CHN2: variants seen among roughly 807,000 people sequenced by gnomAD.
CHN2 encodes chimerin 2.
CHN2 carries 35 observed loss-of-function variants against 56.3 expected under a neutral mutation model. That is an observed-to-expected ratio of 0.62 (90% confidence interval 0.47 to 0.82). The LOEUF (loss-of-function observed/expected upper bound fraction) is 0.82, where lower values mean the gene tolerates loss of function less well. CHN2 is among the 40% of genes least tolerant of loss of function. The pLI is 0.00. For synonymous variants in CHN2, 210 were observed against 212.8 expected (o/e 0.99, Z 0.12); for missense variants, 491 against 580.5 (o/e 0.85, Z 1.58).
At chr7:29,317,031 T>G (rs1795001689) in intron 1 of CHN2, among the ~76,000 whole-genome samples, 1 of 152,228 alleles carries the variant, frequency 6.6e-6, no homozygotes, top group Non-Finnish European at 1.5e-5. Flanking sequence ...ATAATTTGCT[T>G]AAGACATTTT....
intron 1 of CHN2, among the ~76,000 whole-genome samples, chr7:29,259,037 A>AT (rs1470846579): frequency 6.6e-6 from 1 of 152,094 alleles, no homozygotes; most frequent in African/African-American, 2.4e-5. Flanking sequence ...AAAAAAAAAA[A>AT]AAAGAATGGG....
intron 1 of CHN2, among the ~76,000 whole-genome samples, chr7:29,346,455 A>G (rs1191884657): frequency 2.6e-5 from 4 of 152,120 alleles, no homozygotes; most frequent in Non-Finnish European, 5.9e-5. Flanking sequence ...TTTTCACCCA[A>G]CTTCCCTGGA....
At chr7:29,221,781 G>T (rs1785816098) in intron 1 of CHN2, among the ~76,000 whole-genome samples, 1 of 152,184 alleles carries the variant, frequency 6.6e-6, no homozygotes, top group South Asian at 2.1e-4. Context: ...TCCCTGCAGA[G>T]GACATGATCT....
intron 12 of CHN2, among the ~76,000 whole-genome samples, chr7:29,509,844 C>CAA (rs34925686): frequency 0.15 from 20,634 of 133,868 alleles, 1,715 homozygotes; most frequent in Non-Finnish European, 0.19. Context: ...GACTCCATCT[C>CAA]AAAAAAAAAA....
In CHN2 at chr7:29,400,547, G is replaced by A. The variant is rs1238959756; in HGVS notation, c.295G>A (p.Gly99Arg). Reference protein sequence around the residue: ...PGCYTLALRFGNQTLNYRLFH... With the variant: ...PGCYTLALRFRNQTLNYRLFH... ...CCCTCATTCTCTCACGGGCAGGTTT[G>A]GAAACCAGACCTTAAACTACAGGCT... The change falls in exon 6 of 13, where the codon GGA becomes AGA. Residue 99 changes from glycine to arginine, a missense_variant. Coordinates refer to ENST00000222792, the MANE Select transcript of CHN2 (RefSeq NM_004067.4). The A allele has an allele frequency of 6.2e-7, 1 of 1,613,592 alleles. No individual in the cohort carries two copies. Among genetic ancestry groups the A allele is most frequent in the Non-Finnish European group, 8.5e-7 (1 of 1,179,796 alleles).
intron 1 of CHN2, among the ~76,000 whole-genome samples, chr7:29,275,768 G>T (rs1791147088): frequency 1.3e-5 from 2 of 152,182 alleles, no homozygotes; most frequent in Non-Finnish European, 2.9e-5. Flanking sequence ...CTGAGCCCAG[G>T]CAGTCTGGTT....
At chr7:29,344,937 A>C (rs891170742) in intron 1 of CHN2, among the ~76,000 whole-genome samples, 1 of 152,182 alleles carries the variant, frequency 6.6e-6, no homozygotes, top group African/African-American at 2.4e-5. Flanking sequence ...TGGGACCCTC[A>C]GAAGAATGCA....
intron 6 of CHN2, among the ~76,000 whole-genome samples, chr7:29,427,843 G>A (rs1805037999): frequency 6.6e-6 from 1 of 151,854 alleles, no homozygotes. Flanking sequence ...TTTTAGTAGA[G>A]ACAGGGTTTC....
chr7:29,323,567 C>T (rs1384721490), intron 1 of CHN2, among the ~76,000 whole-genome samples: 1 of 152,128 alleles, frequency 6.6e-6, no homozygotes, highest in Non-Finnish European at 1.5e-5. Context: ...ATGAGGCCGC[C>T]TCGCCACGTG....
intron 7 of CHN2, among the ~76,000 whole-genome samples, chr7:29,481,658 GTT>G (rs5883215): frequency 2.9e-4 from 38 of 130,824 alleles, no homozygotes; most frequent in African/African-American, 5.2e-4. Context: ...AATGCCTCCC[GTT>G]TTTTTTTTTT....
In CHN2 at chr7:29,219,073, T is replaced by C. The variant is rs75653597; in HGVS notation, c.49+24083T>C. ...TCGGAGACTGATGCAGTGCGTATTATAAATCCTGAATCACGAGGAATGGGT... is the reference window on the plus strand; with the variant it reads ...TCGGAGACTGATGCAGTGCGTATTACAAATCCTGAATCACGAGGAATGGGT... On this transcript the variant is annotated intron_variant, in intron 1 of 12. Coordinates refer to ENST00000222792, the MANE Select transcript of CHN2 (RefSeq NM_004067.4). Among the ~76,000 whole-genome samples, 1,417 of 152,298 alleles carry C rather than the reference T, an allele frequency of 9.3e-3. 5 individuals are homozygous for C. Among genetic ancestry groups the C allele is most frequent in the Non-Finnish European group, 0.015 (1,005 of 68,010 alleles).
Position 29,427,144 on chromosome 7 carries a change from T to G in CHN2, c.576+26316T>G, listed in dbSNP as rs972955495. 1.4e-4 allele frequency among the ~76,000 whole-genome samples: 22 copies of G among 152,190 alleles called. 1 individual carries two copies. The highest frequency in any genetic ancestry group is 4.8e-4 in the African/African-American group (20 of 41,522). ...ACCAGCCTGGCCAACATGGGGAAGC[T>G]GTTTCTCTACTAAAAATACAAATAT... On this transcript the variant is annotated intron_variant, in intron 6 of 12. Transcript: ENST00000222792.
intron 6 of CHN2, among the ~76,000 whole-genome samples, chr7:29,469,936 A>G (rs993099158): frequency 1.4e-4 from 22 of 152,186 alleles, no homozygotes; most frequent in African/African-American, 5.3e-4. Context: ...AAGCAAGGAA[A>G]GAAGGGAGGG....
intron 6 of CHN2, among the ~76,000 whole-genome samples, chr7:29,460,856 A>G (rs1187766760): frequency 2.0e-5 from 3 of 152,152 alleles, no homozygotes; most frequent in African/African-American, 4.8e-5. Flanking sequence ...CTTTGCTACC[A>G]ATTTGTTTGG....
intron 4 of CHN2, chr7:29,397,279 T>A (rs563899577): frequency 6.6e-6 from 1 of 152,352 alleles, no homozygotes; most frequent in South Asian, 2.1e-4. Context: ...AAAAATGTTA[T>A]CCTTCTGCAT....
chr7:29,207,801 TGATCACAACAGA>T (rs1784631030), intron 1 of CHN2, among the ~76,000 whole-genome samples: 1 of 152,196 alleles, frequency 6.6e-6, no homozygotes, highest in South Asian at 2.1e-4. Flanking sequence ...CGACACCCTT[TGATCACAACAGA>T]TCACGGTATT....
At chr7:29,473,472 T>G (rs199701799) in intron 6 of CHN2, among the ~76,000 whole-genome samples, 3 of 110,100 alleles carry the variant, frequency 2.7e-5, no homozygotes, top group Admixed American at 9.3e-5. Flanking sequence ...GTGTTTGTGT[T>G]TTTTTTTTTT....
chr7:29,176,364 G>GA lies in CHN2; in HGVS notation c.274+29413dup, dbSNP rs979527259. Reference sequence around the variant, plus strand: ...GATTCCCCCAAACAGAGAGGAAAAAGAAAAAAAAATGCCAAAAAGAAATAA... The same window carrying GA: ...GATTCCCCCAAACAGAGAGGAAAAAGAAAAAAAAAATGCCAAAAAGAAATAA... On this transcript the variant is annotated intron_variant, in intron 2 of 6. Transcript: ENST00000439384. 3.3e-4 allele frequency among the ~76,000 whole-genome samples: 49 copies of GA among 150,616 alleles called. 1 individual carries two copies. In the Middle Eastern group the frequency reaches 0.01, roughly 32 times the overall value.
chr7:29,292,847 G>A lies in CHN2; in HGVS notation c.50-61778G>A, dbSNP rs529112812. 4.0e-4 allele frequency: 182 copies of A among 455,044 alleles called. 1 individual carries two copies. Among genetic ancestry groups the A allele is most frequent in the South Asian group, 2.8e-3 (180 of 64,504 alleles). 28.2% of individuals were successfully genotyped at this position (455,044 alleles called of 1,614,324 possible). ...TTCTACTTTTGTTGTCACCACCCTA[G>A]TCTTGGGGAAGAAAATATATCTGTC... On this transcript the variant is annotated intron_variant, in intron 1 of 12. Transcript: ENST00000222792.
Sources: allele counts gnomAD v4.1 joint callset (sites outside exome capture counted in the v4.1 genomes callset), GRCh38; gene constraint gnomAD v4.1.1; transcripts MANE v1.5; gene names NCBI Gene and HGNC (gene_info 2026-07-23, HGNC 2026-07-21).